MARCHF1: variants seen among roughly 807,000 people sequenced by gnomAD.
MARCHF1 encodes the protein E3 ubiquitin-protein ligase MARCHF1.
Under a neutral mutation model 54.2 loss-of-function variants are expected in MARCHF1, and 40 were observed. The ratio of observed to expected loss-of-function variants is 0.74; its 90% CI spans 0.57 to 0.96. The LOEUF is 0.96. Ranked by LOEUF, MARCHF1 falls within the 40% of genes least tolerant of loss-of-function variation. MARCHF1 has a pLI of 0.00. For missense variants in MARCHF1, 586 were observed against 656.5 expected (o/e 0.89, Z 1.17); for synonymous variants, 236 against 236.3 (o/e 1.00, Z 0.01).
chr4:163,545,947 A>AAGTG (rs1476950014), intron 8 of MARCHF1, among the ~76,000 whole-genome samples: 1 of 148,934 alleles, frequency 6.7e-6, no homozygotes, highest in East Asian at 2.0e-4. Context: ...TTAAATACAT[A>AAGTG]TGTGTGTGTG....
chr4:163,737,378 C>T (rs1454417428), intron 4 of MARCHF1, among the ~76,000 whole-genome samples: 1 of 45,802 alleles, frequency 2.2e-5, no homozygotes, highest in African/African-American at 5.9e-5. Context: ...CCCCCGACCC[C>T]ACCACAGTCC....
chr4:164,308,339 T>C (rs1175388942), intron 1 of MARCHF1, among the ~76,000 whole-genome samples: 1 of 152,228 alleles, frequency 6.6e-6, no homozygotes, highest in East Asian at 1.9e-4. Context: ...GGAAATAACC[T>C]ATTTGCTATT....
At chr4:164,033,824 C>T (rs373465798) in intron 2 of MARCHF1, among the ~76,000 whole-genome samples, 13 of 151,918 alleles carry the variant, frequency 8.6e-5, no homozygotes, top group South Asian at 2.1e-4. Context: ...ACATTGTTGG[C>T]GGGAATGTAA....
intron 7 of MARCHF1, among the ~76,000 whole-genome samples, chr4:163,609,748 T>C (rs1209537183): frequency 6.6e-6 from 1 of 151,804 alleles, no homozygotes; most frequent in Non-Finnish European, 1.5e-5. Flanking sequence ...CCCCACTATG[T>C]AAGAGACATA....
intron 4 of MARCHF1, among the ~76,000 whole-genome samples, chr4:163,834,854 G>A (rs961163902): frequency 6.6e-6 from 1 of 151,956 alleles, no homozygotes; most frequent in African/African-American, 2.4e-5. Flanking sequence ...GTTATTATTA[G>A]AGATGCACAT....
intron 3 of MARCHF1, among the ~76,000 whole-genome samples, chr4:163,973,558 A>T (rs542910816): frequency 6.6e-6 from 1 of 152,376 alleles, no homozygotes; most frequent in Admixed American, 6.5e-5. Flanking sequence ...CCATGCCCGG[A>T]AACGGCGTTG....
chr4:164,038,592 T>C (rs1754061140), intron 2 of MARCHF1, among the ~76,000 whole-genome samples: 1 of 152,208 alleles, frequency 6.6e-6, no homozygotes, highest in Non-Finnish European at 1.5e-5. Context: ...TAGAGGTGTA[T>C]ATCCCATGGG....
At chr4:164,151,340 G>A (rs184555818) in intron 1 of MARCHF1, among the ~76,000 whole-genome samples, 1 of 152,106 alleles carries the variant, frequency 6.6e-6, no homozygotes, top group Admixed American at 6.5e-5. Flanking sequence ...TCAAAATTAC[G>A]GAAACTACCA....
chr4:163,605,139 C>T (rs555303631), intron 7 of MARCHF1, among the ~76,000 whole-genome samples: 8 of 151,934 alleles, frequency 5.3e-5, no homozygotes, highest in South Asian at 2.1e-4. Context: ...TAGAAGGGTT[C>T]GCTTTAGGCA....
rs914359916 is a variant in MARCHF1, at chr4:163,532,859, CACTG to C, written c.1340-3817_1340-3814del. Among the ~76,000 whole-genome samples, 4 of 151,888 alleles carry C rather than the reference CACTG, an allele frequency of 2.6e-5. No individual in the cohort carries two copies. In the East Asian group the frequency reaches 7.7e-4, roughly 29 times the overall value. On this transcript the variant is annotated intron_variant, in intron 9 of 9. Transcript: ENST00000514618. ...AAGTTTTAAAAAAGAACACTGAAAA[CACTG>C]AACGTTGGAAAGGATGTGGAACGAC...
intron 1 of MARCHF1, among the ~76,000 whole-genome samples, chr4:164,337,552 A>G (rs1330724423): frequency 6.6e-6 from 1 of 152,230 alleles, no homozygotes; most frequent in Admixed American, 6.5e-5. Context: ...GTCTGGGAGC[A>G]GGGAAAAGAG....
intron 1 of MARCHF1, among the ~76,000 whole-genome samples, chr4:164,359,459 C>T (rs1730662408): frequency 6.6e-6 from 1 of 152,086 alleles, no homozygotes; most frequent in Admixed American, 6.6e-5. Flanking sequence ...AGAGACATTT[C>T]CTATGGTATG....
At chr4:164,357,859 A>AT (rs1730606420) in intron 1 of MARCHF1, among the ~76,000 whole-genome samples, 1 of 152,108 alleles carries the variant, frequency 6.6e-6, no homozygotes, top group South Asian at 2.1e-4. Context: ...TTAAGAAATA[A>AT]TTTTTCCCTA....
chr4:164,203,726 A>C (rs1731521329), intron 1 of MARCHF1, among the ~76,000 whole-genome samples: 1 of 152,210 alleles, frequency 6.6e-6, no homozygotes, highest in Non-Finnish European at 1.5e-5. Flanking sequence ...TCACTGAAGG[A>C]CTTTGAAAAT....
intron 9 of MARCHF1, among the ~76,000 whole-genome samples, chr4:163,534,209 G>T (rs1365316885): frequency 6.6e-6 from 1 of 151,826 alleles, no homozygotes; most frequent in African/African-American, 2.4e-5. Context: ...CACAGCATTC[G>T]TGCCCTAATT....
chr4:164,028,373 A>G (rs1424178424), intron 2 of MARCHF1, among the ~76,000 whole-genome samples: 2 of 152,216 alleles, frequency 1.3e-5, no homozygotes, highest in African/African-American at 4.8e-5. Context: ...CATACACACC[A>G]AGAAATACTT....
intron 1 of MARCHF1, chr4:164,196,925 TA>T: frequency 6.4e-7 from 1 of 1,561,030 alleles, no homozygotes; most frequent in South Asian, 1.1e-5. Context: ...GGGATATGGG[TA>T]AAAACAGTCA....
At chr4:163,927,547 T>C (rs181562265) in intron 3 of MARCHF1, among the ~76,000 whole-genome samples, 17 of 151,966 alleles carry the variant, frequency 1.1e-4, no homozygotes, top group Admixed American at 1.3e-4. Context: ...TTTTTATGTA[T>C]GAATTCTTGA....
chr4:164,204,877 C>T (rs921684985), intron 1 of MARCHF1, among the ~76,000 whole-genome samples: 2 of 152,162 alleles, frequency 1.3e-5, no homozygotes, highest in Non-Finnish European at 2.9e-5. Context: ...TTTAATTTTA[C>T]AATTACAACA....
Sources: gnomAD v4.1 joint callset for allele counts (sites outside exome capture counted in the v4.1 genomes callset) on GRCh38, gnomAD v4.1.1 for gene constraint, MANE v1.5 for transcripts, NCBI Gene and HGNC (gene_info 2026-07-23, HGNC 2026-07-21) for gene names.